Variants in ADAMDEC1 observed in about 807,000 individuals in gnomAD.
ADAMDEC1 encodes ADAM like decysin 1.
Under a neutral mutation model 60.4 loss-of-function variants are expected in ADAMDEC1, and 62 were observed. The observed-to-expected ratio is 1.03, with a 90% confidence interval of 0.84 to 1.27. The LOEUF is 1.27. Ranked by LOEUF, ADAMDEC1 falls within the 50% of genes most tolerant of loss-of-function variation. The probability of loss-of-function intolerance (pLI) is 0.00; values close to 1 mark genes in which losing one functional copy is unlikely to be tolerated. For synonymous variants in ADAMDEC1, 210 were observed against 195.1 expected (o/e 1.08, Z -0.64); for missense variants, 595 against 565.0 (o/e 1.05, Z -0.54).
At chr8:24,392,795 C>T (rs115552954) in intron 2 of ADAMDEC1, among the ~76,000 whole-genome samples, 3,576 of 148,750 alleles carry the variant, frequency 0.024, 137 homozygotes, top group African/African-American at 0.084. Context: ...TATTTTATTA[C>T]TGATTAAAGA....
At chr8:24,404,111 T>C (rs1817832351) in intron 13 of ADAMDEC1, 23 bp downstream of exon 13, 1 of 1,606,184 alleles carries the variant, frequency 6.2e-7, no homozygotes, top group Non-Finnish European at 8.5e-7. Flanking sequence ...GTTTTCTTTG[T>C]TCCAAAACGT....
intron 1 of ADAMDEC1, 43 bp from the exon 2 acceptor site, chr8:24,392,219 A>G: frequency 6.7e-7 from 1 of 1,491,352 alleles, no homozygotes; most frequent in Non-Finnish European, 9.2e-7. Context: ...CTAAAACCAA[A>G]ACCTTTAAAT....
chr8:24,385,972 C>T (rs543469824), intron 1 of ADAMDEC1, among the ~76,000 whole-genome samples: 2 of 151,764 alleles, frequency 1.3e-5, no homozygotes, highest in East Asian at 3.9e-4. Flanking sequence ...TATCTTTTTT[C>T]CCCCCATTCC....
intron 1 of ADAMDEC1, chr8:24,387,589 C>T (rs759783183): frequency 2.6e-5 from 4 of 152,204 alleles, no homozygotes; most frequent in African/African-American, 4.8e-5. Flanking sequence ...CATAAGGTCC[C>T]TTAATTGCAC....
At position 24,402,026 on chromosome 8, in the gene ADAMDEC1, G is replaced by C. The variant is rs1176553415; in HGVS notation, c.1254G>C (p.Met418Ile). The change falls in exon 12 of 14, where the codon ATG becomes ATC. Residue 418 changes from methionine (M) to isoleucine (I), a missense_variant. Coordinates refer to ENST00000256412, the MANE Select transcript of ADAMDEC1 (RefSeq NM_014479.3). ...AAGCACCTATTCCTACAAATATAAT[G>C]ACAACACCAGTGTGTGGGAACCACC... ...LLQAPIPTNI[M>I]TTPVCGNHLL... The C allele has an allele frequency of 5.0e-6, 8 of 1,613,134 alleles. No individual in the cohort carries two copies. In the South Asian group the frequency reaches 7.7e-5, roughly 16 times the overall value.
chr8:24,400,381 TTTAA>T, intron 11 of ADAMDEC1, 81 bp downstream of exon 11: 1 of 1,379,056 alleles, frequency 7.3e-7, no homozygotes, highest in Non-Finnish European at 9.7e-7. Context: ...TTCTCTATTG[TTTAA>T]TTAAATATTA....
In ADAMDEC1 at chr8:24,400,172, TAAAA is replaced by T. The variant is rs746174250; in HGVS notation, c.1019_1022del (p.Lys340ArgfsTer7). 1 of 1,569,606 alleles carries T rather than the reference TAAAA, an allele frequency of 6.4e-7. No homozygotes were observed. Among genetic ancestry groups the T allele is most frequent in the East Asian group, 2.3e-5 (1 of 43,916 alleles). ...ATAAATATATCTACTTTTTCCAGGCTAAAAAAAAGAATAATGTGGCTCTTGTAGG... is the reference window on the plus strand; with the variant it reads ...ATAAATATATCTACTTTTTCCAGGCTAAAAGAATAATGTGGCTCTTGTAGG... On this transcript the variant is annotated frameshift_variant, in exon 11 of 14. Transcript: ENST00000256412. LOFTEE classifies it high-confidence loss of function.
intron 1 of ADAMDEC1, among the ~76,000 whole-genome samples, chr8:24,388,392 C>G (rs1817350364): frequency 6.6e-6 from 1 of 152,158 alleles, no homozygotes; most frequent in Non-Finnish European, 1.5e-5. Flanking sequence ...CTCCAACACT[C>G]CACCAAGACT....
intron 11 of ADAMDEC1, among the ~76,000 whole-genome samples, chr8:24,401,009 T>TTCCATG (rs1247892343): frequency 2.6e-5 from 4 of 152,066 alleles, no homozygotes; most frequent in African/African-American, 9.7e-5. Flanking sequence ...GGTGTATATA[T>TTCCATG]GCCACATTTT....
Position 24,397,325 on chromosome 8 carries a change from G to C in ADAMDEC1, c.496G>C (p.Asp166His). ...CCAGATAAAACCTCTGAAAAGCACA[G>C]ACGAGAAAGAACATGCCGTCTTTAC... ...RYQIKPLKST[D>H]EKEHAVFTSN... The change falls in exon 6 of 14, where the codon GAC becomes CAC. Residue 166 changes from aspartate (D) to histidine (H), a missense_variant. Physicochemically the swap from Asp to His is moderately conservative, Grantham distance 81. Coordinates refer to ENST00000256412, the MANE Select transcript of ADAMDEC1 (RefSeq NM_014479.3). 4 of 1,614,014 alleles carry C rather than the reference G, an allele frequency of 2.5e-6. No homozygotes were observed. The highest frequency in any genetic ancestry group is 1.7e-4 in the Middle Eastern group (1 of 6,060).
intron 11 of ADAMDEC1, 124 bp downstream of exon 11, chr8:24,400,424 A>T: frequency 9.0e-7 from 1 of 1,114,178 alleles, no homozygotes; most frequent in Non-Finnish European, 1.2e-6. Context: ...AACAGATTTT[A>T]AAATTGTTTA....
chr8:24,390,796 T>TA (rs1817425652), intron 1 of ADAMDEC1, among the ~76,000 whole-genome samples: 2 of 152,122 alleles, frequency 1.3e-5, no homozygotes, highest in Non-Finnish European at 2.9e-5. Flanking sequence ...ATTTTTTTTT[T>TA]ATTTGTTTTT....
chr8:24,402,080 T>C lies in ADAMDEC1; in HGVS notation c.1308T>C (p.Cys436=). ...TAGAAGTGGGAGAAGACTGTGATTG[T>C]GGCTCTCCTAAGGTATTATTTATTA... The part of the protein sequence containing the change: ...HLLEVGEDCD[C]GSPKECTNLC... The change falls in exon 12 of 14, where the codon TGT becomes TGC. Residue 436 remains cysteine, a synonymous_variant. Coordinates refer to ENST00000256412, the MANE Select transcript of ADAMDEC1 (RefSeq NM_014479.3). 6.2e-7 allele frequency: 1 copy of C among 1,609,994 alleles called. No individual in the cohort carries two copies. The highest frequency in any genetic ancestry group is 1.1e-5 in the South Asian group (1 of 90,774).
At position 24,395,747 on chromosome 8, in the gene ADAMDEC1, C is replaced by G; in HGVS notation, c.391C>G (p.Leu131Val). The change falls in exon 5 of 14, where the codon CTA (leucine) becomes GTA (valine). Residue 131 changes from leucine (L) to valine (V), a missense_variant. Coordinates refer to ENST00000256412, the MANE Select transcript of ADAMDEC1 (RefSeq NM_014479.3). ...MEHCYYKGNI[L>V]NEKNSVASIS... ...ACACTGTTACTATAAAGGAAACATC[C>G]TAAATGAAAAGAATTCTGTTGCCAG... is the stretch of plus-strand genomic sequence containing the variant. 1 of 1,613,452 alleles carries G rather than the reference C, an allele frequency of 6.2e-7. No individual in the cohort carries two copies. The highest frequency in any genetic ancestry group is 8.5e-7 in the Non-Finnish European group (1 of 1,179,778).
chr8:24,391,514 T>C (rs772861028), intron 1 of ADAMDEC1, among the ~76,000 whole-genome samples: 11 of 152,180 alleles, frequency 7.2e-5, no homozygotes, highest in Non-Finnish European at 1.0e-4. Context: ...AGATAATTTC[T>C]TTTCTACTAT....
At position 24,400,111 on chromosome 8, in the gene ADAMDEC1, C is replaced by T. The variant is rs1817722406; in HGVS notation, c.1012-59C>T. ...CATCTCTTAAGCCATTTTTAAAGTA[C>T]TGCACATTGGCAACAATTAAATAAA... On this transcript the variant is annotated intron_variant, in intron 10 of 13. Coordinates refer to ENST00000256412, the MANE Select transcript of ADAMDEC1 (RefSeq NM_014479.3). 2.2e-6 allele frequency: 3 copies of T among 1,372,594 alleles called. No individual in the cohort carries two copies. The African/African-American group carries it at 4.4e-5, about 20-fold the overall frequency. The allele number at this position is 1,372,594 out of a possible 1,614,324, so 85.0% of individuals were successfully genotyped here.
chr8:24,388,018 T>G (rs1817339473), intron 1 of ADAMDEC1: 1 of 152,312 alleles, frequency 6.6e-6, no homozygotes. Context: ...CTGTAGGTAA[T>G]TAACATTTAT....
chr8:24,384,458 G>A lies in ADAMDEC1; in HGVS notation c.-47G>A, dbSNP rs1162403432. 1 of 1,453,562 alleles carries A rather than the reference G, an allele frequency of 6.9e-7. No individual in the cohort carries two copies. The highest frequency in any genetic ancestry group is 9.3e-7 in the Non-Finnish European group (1 of 1,072,870). 90.0% of individuals were successfully genotyped at this position (1,453,562 alleles called of 1,614,324 possible). A position where few individuals can be genotyped will look rare whatever the true frequency, so the allele number is the denominator to read the frequency against. ...TTAATTTTCTTGTTCAACTTCTAAAGAGAAATTGGAGAAGATAAAACTGGA... is the reference window on the plus strand; with the variant it reads ...TTAATTTTCTTGTTCAACTTCTAAAAAGAAATTGGAGAAGATAAAACTGGA... On this transcript the variant is annotated 5_prime_UTR_variant, in exon 1 of 14. Transcript: ENST00000256412.
intron 12 of ADAMDEC1, among the ~76,000 whole-genome samples, chr8:24,403,122 C>A (rs1817805854): frequency 6.6e-6 from 1 of 152,032 alleles, no homozygotes; most frequent in Non-Finnish European, 1.5e-5. Context: ...CAATATGTAA[C>A]ATCTAAAATT....
Sources: allele counts gnomAD v4.1 joint callset (sites outside exome capture counted in the v4.1 genomes callset), GRCh38; gene constraint gnomAD v4.1.1; transcripts MANE v1.5; gene names NCBI Gene and HGNC (gene_info 2026-07-23, HGNC 2026-07-21).